GUCY1B1: variants seen among roughly 807,000 people sequenced by gnomAD.
GUCY1B1 encodes guanylate cyclase soluble subunit beta-1.
Under a neutral mutation model 71.0 loss-of-function variants are expected in GUCY1B1, and 43 were observed. That is an observed-to-expected ratio of 0.61 (90% CI 0.47 to 0.78). The LOEUF is 0.78. Among genes scored for constraint, GUCY1B1 ranks in the 30% least tolerant of loss-of-function variants. The pLI, the probability that GUCY1B1 is intolerant of heterozygous loss-of-function variation, is 0.00. For missense variants in GUCY1B1, 535 were observed against 754.1 expected, an observed-to-expected ratio of 0.71 and a Z score of 3.40; for synonymous variants, 266 against 259.7, an observed-to-expected ratio of 1.02 and a Z score of -0.23.
chr4:155,783,556 G>A (rs1457471241), intron 4 of GUCY1B1, among the ~76,000 whole-genome samples: 2 of 152,122 alleles, frequency 1.3e-5, no homozygotes, highest in Admixed American at 6.6e-5. Flanking sequence ...ACTCAACTCA[G>A]ATATATTTGA....
chr4:155,767,331 T>G (rs1737407465), intron 2 of GUCY1B1, among the ~76,000 whole-genome samples: 1 of 152,172 alleles, frequency 6.6e-6, no homozygotes. Context: ...AGTGTCTAAG[T>G]AAATTCATTT....
intron 4 of GUCY1B1, among the ~76,000 whole-genome samples, chr4:155,786,365 C>T (rs1441014759): frequency 6.7e-6 from 1 of 149,192 alleles, no homozygotes; most frequent in African/African-American, 2.5e-5. Context: ...CCTCCACCTC[C>T]TGGGTTCAAG....
chr4:155,789,191 A>G (rs1738993135), intron 4 of GUCY1B1, among the ~76,000 whole-genome samples: 1 of 152,268 alleles, frequency 6.6e-6, no homozygotes, highest in South Asian at 2.1e-4. Flanking sequence ...ATAGATTTTT[A>G]ATTTCTAAGA....
At position 155,804,542 on chromosome 4, in the gene GUCY1B1, AT is replaced by A. The variant is rs745831949; in HGVS notation, c.1555-49del. On this transcript the variant is annotated intron_variant, in intron 11 of 13. Transcript: ENST00000264424. Reference sequence around the variant, plus strand: ...CTTAAAGTAAAATAAAAAAAAAAAAATTCATGTGTTAGTGATCAAAATGATT... The same window carrying A: ...CTTAAAGTAAAATAAAAAAAAAAAAATCATGTGTTAGTGATCAAAATGATT... 1,603 of 1,454,674 alleles carry A rather than the reference AT, an allele frequency of 1.1e-3. 1 individual carries two copies. Among genetic ancestry groups the A allele is most frequent in the Middle Eastern group, 1.4e-3 (8 of 5,588 alleles). The allele number at this position is 1,454,674 out of a possible 1,614,324, so 90.1% of individuals were successfully genotyped here. A position where few individuals can be genotyped will look rare whatever the true frequency, so the allele number is the denominator to read the frequency against.
At chr4:155,783,222 C>G (rs1738555826) in intron 4 of GUCY1B1, among the ~76,000 whole-genome samples, 1 of 152,092 alleles carries the variant, frequency 6.6e-6, no homozygotes, top group South Asian at 2.1e-4. Context: ...TAATCTATTA[C>G]CCCTGGGAAT....
chr4:155,777,699 G>T (rs1359311353), intron 4 of GUCY1B1, 57 bp downstream of exon 4: 9 of 853,184 alleles, frequency 1.1e-5, no homozygotes, highest in Non-Finnish European at 1.8e-5. Flanking sequence ...CTCAAATATA[G>T]ACTCTAGAAT....
chr4:155,798,824 G>A (rs2878124), intron 8 of GUCY1B1, among the ~76,000 whole-genome samples: 99,889 of 151,916 alleles, frequency 0.66, 34,023 homozygotes, highest in African/African-American at 0.82. Flanking sequence ...ATTTTAACCA[G>A]TTAGGTTTTG....
Position 155,796,511 on chromosome 4 carries a change from G to A in GUCY1B1, c.977+1G>A, listed in dbSNP as rs1247832784. 3.1e-6 allele frequency: 5 copies of A among 1,604,570 alleles called. No homozygotes were observed. Among genetic ancestry groups the A allele is most frequent in the Non-Finnish European group, 3.4e-6 (4 of 1,173,126 alleles). On this transcript the variant is annotated splice_donor_variant, in intron 8 of 13. Transcript: ENST00000264424. LOFTEE classifies it high-confidence loss of function. ...GCATACTTTTTCTATGTTCACCAAG[G>A]TAATCATTTTTAGATTAATTATAGT...
intron 2 of GUCY1B1, among the ~76,000 whole-genome samples, chr4:155,767,695 C>CCTGT (rs1222304417): frequency 6.6e-6 from 1 of 152,074 alleles, no homozygotes; most frequent in Non-Finnish European, 1.5e-5. Context: ...ATTTAAAGGG[C>CCTGT]CTGTCTCTCC....
intron 9 of GUCY1B1, 134 bp downstream of exon 9, chr4:155,800,208 T>G (rs891252499): frequency 2.0e-6 from 1 of 508,986 alleles, no homozygotes; most frequent in African/African-American, 2.0e-5. Context: ...ATCTTTCACA[T>G]TGCTTTTAAA....
intron 1 of GUCY1B1, 200 bp from the exon 2 acceptor site, chr4:155,759,587 G>A (rs1409264829): frequency 5.5e-6 from 3 of 544,686 alleles, no homozygotes; most frequent in African/African-American, 2.0e-5. Context: ...GGATGGTGAC[G>A]GGGAGAATCC....
intron 1 of GUCY1B1, chr4:155,759,551 G>C: frequency 1.8e-6 from 1 of 541,430 alleles, no homozygotes; most frequent in Admixed American, 3.6e-5. Context: ...GGTGAGGAGG[G>C]TGGGAAGATA....
chr4:155,799,766 G>T, intron 8 of GUCY1B1, 111 bp from the exon 9 acceptor site: 2 of 598,530 alleles, frequency 3.3e-6, no homozygotes, highest in Non-Finnish European at 6.0e-6. Flanking sequence ...TCTTCAGCCT[G>T]ATGTTTTGAA....
intron 3 of GUCY1B1, among the ~76,000 whole-genome samples, chr4:155,776,445 G>A (rs1351326844): frequency 6.6e-6 from 1 of 152,104 alleles, no homozygotes; most frequent in East Asian, 1.9e-4. Context: ...CGAGGTGGGT[G>A]GATCACTTGA....
At chr4:155,781,799 G>A (rs548649009) in intron 4 of GUCY1B1, among the ~76,000 whole-genome samples, 128 of 151,890 alleles carry the variant, frequency 8.4e-4, no homozygotes, top group African/African-American at 3.0e-3. Flanking sequence ...ATCAACTTGT[G>A]GGCTGATGAA....
chr4:155,795,844 G>A (rs1292657771), intron 7 of GUCY1B1, among the ~76,000 whole-genome samples: 2 of 151,944 alleles, frequency 1.3e-5, no homozygotes, highest in African/African-American at 4.8e-5. Context: ...ATTGTTCTTA[G>A]TAGCGTTTTT....
intron 4 of GUCY1B1, 88 bp from the exon 5 acceptor site, chr4:155,789,626 T>C: frequency 2.7e-6 from 2 of 740,884 alleles, no homozygotes; most frequent in Non-Finnish European, 4.6e-6. Context: ...TAGACTCCGA[T>C]TTGACTCGTT....
At position 155,772,875 on chromosome 4, in the gene GUCY1B1, G is replaced by A. The variant is rs1172018654; in HGVS notation, c.78-2093G>A. The A allele has an allele frequency of 4.9e-5, 34 of 688,716 alleles. No individual in the cohort carries two copies. The East Asian group carries it at 6.0e-4, about 12-fold the overall frequency. The allele number at this position is 688,716 out of a possible 1,614,324, so 42.7% of individuals were successfully genotyped here. A position where few individuals can be genotyped will look rare whatever the true frequency, so the allele number is the denominator to read the frequency against. On this transcript the variant is annotated intron_variant, in intron 2 of 13. Transcript: ENST00000264424. Reference sequence around the variant, plus strand: ...ATAAATGCAGGCAAATAAATTATAAGCTCTGAAGGACAGAGGATGTTTTTA... The same window carrying A: ...ATAAATGCAGGCAAATAAATTATAAACTCTGAAGGACAGAGGATGTTTTTA...
chr4:155,762,560 G>A (rs931129625), intron 2 of GUCY1B1, among the ~76,000 whole-genome samples: 1 of 152,034 alleles, frequency 6.6e-6, no homozygotes, highest in Non-Finnish European at 1.5e-5. Flanking sequence ...AAGTGGATAA[G>A]GGCCAAAAAT....
Sources: gnomAD v4.1 joint callset for allele counts (sites outside exome capture counted in the v4.1 genomes callset) on GRCh38, gnomAD v4.1.1 for gene constraint, MANE v1.5 for transcripts, NCBI Gene and HGNC (gene_info 2026-07-23, HGNC 2026-07-21) for gene names.